Variants in GABBR1 observed in about 807,000 individuals in gnomAD.
The protein encoded by GABBR1 is GABA-B receptor, R1 subunit.
GABBR1 carries 35 observed loss-of-function variants against 117.7 expected under a neutral mutation model. The ratio of observed to expected loss-of-function variants is 0.30; its 90% confidence interval spans 0.23 to 0.39. GABBR1 has a LOEUF of 0.39. Among genes scored for constraint, GABBR1 ranks in the 10% least tolerant of loss-of-function variants. The probability of loss-of-function intolerance (pLI) is 1.00; values close to 1 mark genes in which losing one functional copy is unlikely to be tolerated. For synonymous variants in GABBR1, 442 were observed against 486.6 expected, an observed-to-expected ratio of 0.91 and a Z score of 1.21; for missense variants, 709 against 1,241.8, an observed-to-expected ratio of 0.57 and a Z score of 6.45.
chr6:29,632,280 G>T lies in GABBR1; in HGVS notation c.85+21C>A. On this transcript the variant is annotated intron_variant, in intron 2 of 22. Transcript: ENST00000377034. This position sits in a 1 kb window ranked among gnomAD's most constrained non-coding sequence, Gnocchi z 5.8. The stretch of plus-strand genomic sequence containing the variant: ...GGAAGTGGAGCGAAGGAGGGCCGGA[G>T]GTCGTCGAAGAAGGATGCACCTTCT... 2 of 1,355,342 alleles carry T rather than the reference G, an allele frequency of 1.5e-6. No individual in the cohort carries two copies. The highest frequency in any genetic ancestry group is 1.9e-6 in the Non-Finnish European group (2 of 1,038,910). The allele number at this position is 1,355,342 out of a possible 1,614,324, so 84.0% of individuals were successfully genotyped here. A position where few individuals can be genotyped will look rare whatever the true frequency, so the allele number is the denominator to read the frequency against.
chr6:29,627,418 G>A lies in GABBR1; in HGVS notation c.657+68C>T. On this transcript the variant is annotated intron_variant, in intron 6 of 22. Coordinates refer to ENST00000377034, the MANE Select transcript of GABBR1 (RefSeq NM_001470.4). The surrounding 1 kb of genome is among the most constrained non-coding windows in gnomAD (Gnocchi z 4.4). ...AGAGACGACTCAGACAGATGGGGGC[G>A]CGTGCAGCTGGCTGGCCCCCTGCCC... 6.9e-7 allele frequency: 1 copy of A among 1,454,288 alleles called. No homozygotes were observed. The highest frequency in any genetic ancestry group is 9.4e-7 in the Non-Finnish European group (1 of 1,069,338). 90.1% of individuals were successfully genotyped at this position (1,454,288 alleles called of 1,614,324 possible).
chr6:29,617,549 C>T (rs371270679), intron 11 of GABBR1, among the ~76,000 whole-genome samples: 1 of 152,184 alleles, frequency 6.6e-6, no homozygotes, highest in Non-Finnish European at 1.5e-5. Flanking sequence ...ATCCACCTGC[C>T]TCAGCCTCCC....
At position 29,631,273 on chromosome 6, in the gene GABBR1, A is replaced by G. The variant is rs542191464; in HGVS notation, c.289+123T>C. On this transcript the variant is annotated intron_variant, in intron 3 of 22. Coordinates refer to ENST00000377034, the MANE Select transcript of GABBR1 (RefSeq NM_001470.4). The surrounding 1 kb of genome is among the most constrained non-coding windows in gnomAD (Gnocchi z 5.9). ...ATTGCTCTTATGTAGTAGTCATTCA[A>G]TAAATGTATTTGTGAATTTTGGTAT... The G allele has an allele frequency of 5.0e-6, 5 of 1,008,076 alleles. No individual in the cohort carries two copies. Among genetic ancestry groups the G allele is most frequent in the Non-Finnish European group, 7.5e-6 (5 of 666,546 alleles). 62.4% of individuals were successfully genotyped at this position (1,008,076 alleles called of 1,614,324 possible).
chr6:29,632,634 AC>A lies in GABBR1; in HGVS notation c.-1+215del. ...CAACCCTCCCGGGACTCCACCTCTC[AC>A]CACCTCCTCTCCCCCGGCCCCCGCG... On this transcript the variant is annotated intron_variant, in intron 1 of 22. Transcript: ENST00000377034. This position sits in a 1 kb window ranked among gnomAD's most constrained non-coding sequence, Gnocchi z 5.8. 1 of 1,388,684 alleles carries A rather than the reference AC, an allele frequency of 7.2e-7. No individual in the cohort carries two copies. Among genetic ancestry groups the A allele is most frequent in the Non-Finnish European group, 9.5e-7 (1 of 1,048,274 alleles). 86.0% of individuals were successfully genotyped at this position (1,388,684 alleles called of 1,614,324 possible). A position where few individuals can be genotyped will look rare whatever the true frequency, so the allele number is the denominator to read the frequency against.
intron 4 of GABBR1, 126 bp from the exon 5 acceptor site, chr6:29,629,233 C>T (rs1372409599): frequency 9.3e-7 from 1 of 1,080,256 alleles, no homozygotes; most frequent in Non-Finnish European, 1.4e-6. Flanking sequence ...GCCTGCGTTT[C>T]TGAGGGGAGG....
chr6:29,618,737 C>A (rs1240802123), intron 11 of GABBR1, among the ~76,000 whole-genome samples: 1 of 152,176 alleles, frequency 6.6e-6, no homozygotes, highest in South Asian at 2.1e-4. Context: ...CACATATTGC[C>A]CCTAAAGATG....
rs2127444802 is a variant in GABBR1, at chr6:29,627,707, C to T, written c.497-61G>A. On this transcript the variant is annotated intron_variant, in intron 5 of 22. Coordinates refer to ENST00000377034, the MANE Select transcript of GABBR1 (RefSeq NM_001470.4). This position sits in a 1 kb window ranked among gnomAD's most constrained non-coding sequence, Gnocchi z 4.4. ...CGCGGGAGATGGGGGGAGTGGGAGG[C>T]CCACACCGGAGCCACCCCTGCCGCC... 3 of 1,527,668 alleles carry T rather than the reference C, an allele frequency of 2.0e-6. No homozygotes were observed. Among genetic ancestry groups the T allele is most frequent in the Middle Eastern group, 1.7e-4 (1 of 5,940 alleles). 94.6% of individuals were successfully genotyped at this position (1,527,668 alleles called of 1,614,324 possible).
chr6:29,603,215 A>T lies in GABBR1; in HGVS notation c.*328T>A. 1.8e-6 allele frequency: 1 copy of T among 540,666 alleles called. No individual in the cohort carries two copies. The highest frequency in any genetic ancestry group is 3.6e-6 in the Non-Finnish European group (1 of 280,882). The allele number at this position is 540,666 out of a possible 1,614,324, so 33.5% of individuals were successfully genotyped here. On this transcript the variant is annotated 3_prime_UTR_variant, in exon 23 of 23. Transcript: ENST00000377034. Reference sequence around the variant, plus strand: ...CAGGGGTTGCCGTGGTAACTAGAAGAGGGTGTTGCATGGGAAGAGAAAGAT... The same window carrying T: ...CAGGGGTTGCCGTGGTAACTAGAAGTGGGTGTTGCATGGGAAGAGAAAGAT...
rs1297047911 is a variant in GABBR1, at chr6:29,609,446, C to T, written c.1709-67G>A. 4.3e-5 allele frequency: 61 copies of T among 1,431,150 alleles called. No individual in the cohort carries two copies. Among genetic ancestry groups the T allele is most frequent in the East Asian group, 1.8e-4 (8 of 43,932 alleles). The allele number at this position is 1,431,150 out of a possible 1,614,324, so 88.7% of individuals were successfully genotyped here. A position where few individuals can be genotyped will look rare whatever the true frequency, so the allele number is the denominator to read the frequency against. ...GGGAAGGAGGACAAAGGAATGAAGA[C>T]GGGATAGGAGAAAAGGGCAAAGAAC... On this transcript the variant is annotated intron_variant, in intron 14 of 22. Transcript: ENST00000377034. The surrounding 1 kb of genome is among the most constrained non-coding windows in gnomAD (Gnocchi z 4.3).
intron 5 of GABBR1, among the ~76,000 whole-genome samples, 187 bp downstream of exon 5, chr6:29,628,900 G>A (rs1333436551): frequency 1.3e-5 from 2 of 151,554 alleles, no homozygotes; most frequent in African/African-American, 2.4e-5. Flanking sequence ...CCGCAGCCTC[G>A]TGGAAAACCG....
At chr6:29,616,769 A>G (rs28359969) in intron 11 of GABBR1, among the ~76,000 whole-genome samples, 14,481 of 149,782 alleles carry the variant, frequency 0.097, 828 homozygotes, top group Middle Eastern at 0.21. Context: ...TGGGTGGATG[A>G]CTTGAGCCCA....
Position 29,632,434 on chromosome 6 carries a change from C to G in GABBR1, c.1-49G>C. On this transcript the variant is annotated intron_variant, in intron 1 of 22. Coordinates refer to ENST00000377034, the MANE Select transcript of GABBR1 (RefSeq NM_001470.4). This position sits in a 1 kb window ranked among gnomAD's most constrained non-coding sequence, Gnocchi z 5.8. ...ACTGGACCGAGCCCCGCCGGCGCGG[C>G]CCGCACCCGGAGACTACTCGACCTC... The G allele has an allele frequency of 7.7e-7, 1 of 1,299,700 alleles. No individual in the cohort carries two copies. Among genetic ancestry groups the G allele is most frequent in the South Asian group, 2.0e-5 (1 of 50,964 alleles). The allele number at this position is 1,299,700 out of a possible 1,614,324, so 80.5% of individuals were successfully genotyped here.
At chr6:29,603,743 G>A in intron 22 of GABBR1, 27 bp from the exon 23 acceptor site, 1 of 1,453,342 alleles carries the variant, frequency 6.9e-7, no homozygotes, top group Non-Finnish European at 9.1e-7. Context: ...AATTGGGATA[G>A]TAGGAGAAGA....
In GABBR1 at chr6:29,627,449, G is replaced by GACC; in HGVS notation, c.657+36_657+37insGGT. 1 of 1,204,818 alleles carries GACC rather than the reference G, an allele frequency of 8.3e-7. No homozygotes were observed. Among genetic ancestry groups the GACC allele is most frequent in the Non-Finnish European group, 1.2e-6 (1 of 855,874 alleles). The allele number at this position is 1,204,818 out of a possible 1,614,324, so 74.6% of individuals were successfully genotyped here. ...AGCTGGCTGGCCCCCTGCCCCGCAA[G>GACC]CCCCCACCTCCCACCCACCCCCATG... is the stretch of plus-strand genomic sequence containing the variant. On this transcript the variant is annotated intron_variant, in intron 6 of 22. Transcript: ENST00000377034. The surrounding 1 kb of genome is among the most constrained non-coding windows in gnomAD (Gnocchi z 4.4).
Position 29,607,337 on chromosome 6 carries a change from G to A in GABBR1, c.1993-119C>T, listed in dbSNP as rs555478889. 2.6e-6 allele frequency: 2 copies of A among 768,532 alleles called. No individual in the cohort carries two copies. The highest frequency in any genetic ancestry group is 3.4e-5 in the African/African-American group (2 of 58,374). 47.6% of individuals were successfully genotyped at this position (768,532 alleles called of 1,614,324 possible). On this transcript the variant is annotated intron_variant, in intron 16 of 22. Transcript: ENST00000377034. The surrounding 1 kb of genome is among the most constrained non-coding windows in gnomAD (Gnocchi z 5.0). ...GAGCACGGGCAGGGAGCTCATGGTG[G>A]CACAGGGAGGATGCGAAAATGTGAG...
At position 29,609,724 on chromosome 6, in the gene GABBR1, G is replaced by C. The variant is rs888363354; in HGVS notation, c.1709-345C>G. On this transcript the variant is annotated intron_variant, in intron 14 of 22. Transcript: ENST00000377034. This position sits in a 1 kb window ranked among gnomAD's most constrained non-coding sequence, Gnocchi z 4.3. The stretch of plus-strand genomic sequence containing the variant: ...TTCTTACAGCAAAGGAAAATGGGAG[G>C]AGAAAGAAGGGGATCATTAAAAAAT... Among the ~76,000 whole-genome samples the C allele has an allele frequency of 2.0e-5, 3 of 151,964 alleles. No homozygotes were observed. The highest frequency in any genetic ancestry group is 2.9e-5 in the Non-Finnish European group (2 of 68,014).
Position 29,606,334 on chromosome 6 carries a change from C to T in GABBR1, c.2311+57G>A. 1 of 1,300,602 alleles carries T rather than the reference C, an allele frequency of 7.7e-7. No individual in the cohort carries two copies. Among genetic ancestry groups the T allele is most frequent in the Non-Finnish European group, 1.1e-6 (1 of 895,446 alleles). The allele number at this position is 1,300,602 out of a possible 1,614,324, so 80.6% of individuals were successfully genotyped here. ...CCCTCTCCCTCCAAGCCCTCTACCC[C>T]TGCCTTCCCTCCTGCCTTTGTGCAT... On this transcript the variant is annotated intron_variant, in intron 19 of 22. Coordinates refer to ENST00000377034, the MANE Select transcript of GABBR1 (RefSeq NM_001470.4). The surrounding 1 kb of genome is among the most constrained non-coding windows in gnomAD (Gnocchi z 4.5).
At position 29,632,481 on chromosome 6, in the gene GABBR1, C is replaced by A. The variant is rs905928069; in HGVS notation, c.1-96G>T. The A allele has an allele frequency of 2.7e-6, 3 of 1,112,170 alleles. No individual in the cohort carries two copies. The highest frequency in any genetic ancestry group is 2.4e-6 in the Non-Finnish European group (2 of 834,966). The allele number at this position is 1,112,170 out of a possible 1,614,324, so 68.9% of individuals were successfully genotyped here. On this transcript the variant is annotated intron_variant, in intron 1 of 22. Transcript: ENST00000377034. This position sits in a 1 kb window ranked among gnomAD's most constrained non-coding sequence, Gnocchi z 5.8. ...CCTCTTGCCGGTTGCCTCGCAGGCTCCGACCGGGCTCAGCCTGGGGACCAA... is the reference window on the plus strand; with the variant it reads ...CCTCTTGCCGGTTGCCTCGCAGGCTACGACCGGGCTCAGCCTGGGGACCAA...
Position 29,606,874 on chromosome 6 carries a change from T to C in GABBR1, c.2217+23A>G, listed in dbSNP as rs758049489. 2.5e-6 allele frequency: 4 copies of C among 1,598,324 alleles called. No individual in the cohort carries two copies. The highest frequency in any genetic ancestry group is 2.2e-5 in the East Asian group (1 of 44,800). ...TGAGCCCTGCTCATTCTCCTGACCA[T>C]AGCACCTCCTCTCCAGTGGTACCTC... On this transcript the variant is annotated intron_variant, in intron 18 of 22. Transcript: ENST00000377034. The surrounding 1 kb of genome is among the most constrained non-coding windows in gnomAD (Gnocchi z 4.5).
Sources: allele counts gnomAD v4.1 joint callset (sites outside exome capture counted in the v4.1 genomes callset), GRCh38; gene constraint gnomAD v4.1.1; non-coding constraint Gnocchi (gnomAD v3.1); transcripts MANE v1.5; gene names NCBI Gene and HGNC (gene_info 2026-07-23, HGNC 2026-07-21).